ANKRD31: variants seen among roughly 807,000 people sequenced by gnomAD.
ANKRD31 encodes ankyrin repeat domain 31, also known as ankyrin repeat domain-containing protein 31.
ANKRD31 carries 147 observed loss-of-function variants against 186.0 expected under a neutral mutation model. The ratio of observed to expected loss-of-function variants is 0.79; its 90% CI spans 0.69 to 0.91. The LOEUF (loss-of-function observed/expected upper bound fraction) is 0.91. ANKRD31 is among the 40% of genes least tolerant of loss of function. The pLI, the probability that ANKRD31 is intolerant of heterozygous loss-of-function variation, is 0.00. For missense variants in ANKRD31, 1,986 were observed against 2,148.8 expected (o/e 0.92, Z 1.50); for synonymous variants, 673 against 736.4 (o/e 0.91, Z 1.39).
At chr5:75,233,001 CTCTT>C (rs1302465643) in intron 1 of ANKRD31, among the ~76,000 whole-genome samples, 4 of 152,056 alleles carry the variant, frequency 2.6e-5, no homozygotes, top group Admixed American at 6.5e-5. Context: ...ACAACTGCCT[CTCTT>C]TGTTTAACCC....
At chr5:75,118,351 C>A in intron 17 of ANKRD31, 54 bp from the exon 18 acceptor site, 1 of 1,308,052 alleles carries the variant, frequency 7.6e-7, no homozygotes, top group South Asian at 2.0e-5. Flanking sequence ...TGAATAATTT[C>A]TGTTTTCATC....
intron 10 of ANKRD31, among the ~76,000 whole-genome samples, chr5:75,176,717 C>T (rs1487760265): frequency 1.3e-5 from 2 of 152,132 alleles, no homozygotes; most frequent in Admixed American, 1.3e-4. Flanking sequence ...GACATCCACA[C>T]CAAAAACCCG....
chr5:75,107,335 G>A (rs1313719618), intron 21 of ANKRD31, among the ~76,000 whole-genome samples, 186 bp downstream of exon 21: 2 of 151,936 alleles, frequency 1.3e-5, no homozygotes, highest in African/African-American at 4.8e-5. Context: ...AAGTAATAGT[G>A]TAGAAAAATA....
chr5:75,138,375 CT>C (rs928482996), intron 16 of ANKRD31, among the ~76,000 whole-genome samples: 2 of 152,078 alleles, frequency 1.3e-5, no homozygotes, highest in Non-Finnish European at 2.9e-5. Context: ...TTTAATTAAC[CT>C]TTGAGTTTTT....
intron 25 of ANKRD31, among the ~76,000 whole-genome samples, chr5:75,074,146 G>A (rs543632344): frequency 3.2e-4 from 48 of 152,186 alleles, no homozygotes; most frequent in Middle Eastern, 3.4e-3. Context: ...AGCAGAAGGC[G>A]GCACTTCCAG....
chr5:75,229,786 C>T (rs1002231288), intron 2 of ANKRD31, among the ~76,000 whole-genome samples: 1 of 144,850 alleles, frequency 6.9e-6, no homozygotes, highest in Admixed American at 7.3e-5. Context: ...AATCGCTTGA[C>T]CTGGGGAGGC....
intron 25 of ANKRD31, among the ~76,000 whole-genome samples, chr5:75,070,069 G>T (rs1744094064): frequency 6.6e-6 from 1 of 152,122 alleles, no homozygotes; most frequent in African/African-American, 2.4e-5. Flanking sequence ...TTTTTGAGGG[G>T]TTGAGGCCGG....
At chr5:75,099,990 C>A (rs980392949) in intron 22 of ANKRD31, among the ~76,000 whole-genome samples, 1 of 152,066 alleles carries the variant, frequency 6.6e-6, no homozygotes, top group African/African-American at 2.4e-5. Context: ...GCTCTTGCTT[C>A]TTTAGTTCAT....
intron 11 of ANKRD31, among the ~76,000 whole-genome samples, chr5:75,154,602 G>A (rs1752043032): frequency 6.6e-6 from 1 of 151,848 alleles, no homozygotes; most frequent in South Asian, 2.1e-4. Flanking sequence ...AAGAAGGAGG[G>A]AAGAAAAGAA....
chr5:75,193,674 C>T (rs1755272756), intron 7 of ANKRD31, 83 bp from the exon 8 acceptor site: 2 of 1,335,280 alleles, frequency 1.5e-6, no homozygotes, highest in Non-Finnish European at 2.0e-6. Flanking sequence ...TTGTCTTGAC[C>T]TTTGCTTAAA....
chr5:75,168,918 C>T, intron 11 of ANKRD31, 61 bp downstream of exon 11: 1 of 1,414,728 alleles, frequency 7.1e-7, no homozygotes. Flanking sequence ...TGTGTGGTCC[C>T]AGAGATATTT....
intron 25 of ANKRD31, among the ~76,000 whole-genome samples, chr5:75,080,241 G>A (rs1744979183): frequency 6.6e-6 from 1 of 152,152 alleles, no homozygotes; most frequent in Admixed American, 6.5e-5. Flanking sequence ...GACAATCAAA[G>A]TAAATCCAGT....
At chr5:75,180,363 C>T (rs1243765506) in intron 10 of ANKRD31, among the ~76,000 whole-genome samples, 2 of 152,106 alleles carry the variant, frequency 1.3e-5, no homozygotes, top group East Asian at 3.9e-4. Context: ...TGACTTTCTT[C>T]ACAGAATTGG....
chr5:75,122,245 C>T (rs1322575795), intron 17 of ANKRD31, among the ~76,000 whole-genome samples: 1 of 151,118 alleles, frequency 6.6e-6, no homozygotes, highest in African/African-American at 2.4e-5. Flanking sequence ...AAGACTGAAC[C>T]TTGAAGAACT....
In ANKRD31 at chr5:75,200,488, G is replaced by C. The variant is rs193207318; in HGVS notation, c.404-814C>G. ...AATTTTTGTATTTTTAGTAGAGGCAGGGTTTCACCATGTTGGCCAGGCTGG... is the reference window on the plus strand; with the variant it reads ...AATTTTTGTATTTTTAGTAGAGGCACGGTTTCACCATGTTGGCCAGGCTGG... On this transcript the variant is annotated intron_variant, in intron 5 of 25. Coordinates refer to ENST00000506364, the MANE Select transcript of ANKRD31 (RefSeq NM_001372053.1). Among the ~76,000 whole-genome samples, 670 of 151,438 alleles carry C rather than the reference G, an allele frequency of 4.4e-3. 2 individuals carry two copies. The highest frequency in any genetic ancestry group is 6.3e-3 in the Non-Finnish European group (427 of 67,800).
Position 75,193,601 on chromosome 5 carries a change from C to A in ANKRD31, c.1018-10G>T. ...TTGGGTCTTGCAGAGTCTGCAAATACGTAAATACATCCACAAAAAATTACA... is the reference window on the plus strand; with the variant it reads ...TTGGGTCTTGCAGAGTCTGCAAATAAGTAAATACATCCACAAAAAATTACA... On this transcript the variant is annotated splice_polypyrimidine_tract_variant and intron_variant, in intron 7 of 25. Transcript: ENST00000506364. 1.3e-6 allele frequency: 2 copies of A among 1,512,118 alleles called. No individual in the cohort carries two copies. The highest frequency in any genetic ancestry group is 1.8e-6 in the Non-Finnish European group (2 of 1,134,178). The allele number at this position is 1,512,118 out of a possible 1,614,324, so 93.7% of individuals were successfully genotyped here.
intron 22 of ANKRD31, among the ~76,000 whole-genome samples, chr5:75,091,614 A>T (rs908267740): frequency 4.6e-5 from 7 of 152,170 alleles, no homozygotes; most frequent in Non-Finnish European, 1.0e-4. Flanking sequence ...CAGATTAAAA[A>T]GGTGAGAGTC....
intron 20 of ANKRD31, among the ~76,000 whole-genome samples, chr5:75,107,990 A>G (rs1747468573): frequency 6.6e-6 from 1 of 152,066 alleles, no homozygotes; most frequent in Non-Finnish European, 1.5e-5. Flanking sequence ...AAAGGAATAC[A>G]TTAACATTGT....
rs56174528 is a variant in ANKRD31, at chr5:75,104,691, G to C, written c.4868C>G (p.Thr1623Arg). ...TTCATGGTCTTTGTCTGTAGCTTCT[G>C]TAAGATCATTCTCTTTCTGTGAATA... ...TEYSQKENDL[T>R]EATDKDHEFY... Residue 1623 changes from threonine to arginine, a missense_variant, in exon 22 of 26, where the codon ACA (threonine) becomes AGA (arginine). Thr to Arg is a moderately conservative substitution (Grantham distance 71). Coordinates refer to ENST00000506364, the MANE Select transcript of ANKRD31 (RefSeq NM_001372053.1). 240,785 of 1,536,292 alleles carry C rather than the reference G, an allele frequency of 0.16. 19,410 individuals carry two copies. The highest frequency in any genetic ancestry group is 0.17 in the East Asian group (7,103 of 40,880).
Sources: allele counts gnomAD v4.1 joint callset (sites outside exome capture counted in the v4.1 genomes callset), GRCh38; gene constraint gnomAD v4.1.1; transcripts MANE v1.5; gene names NCBI Gene and HGNC (gene_info 2026-07-23, HGNC 2026-07-21).